Variants in NRXN3 observed in about 807,000 individuals in gnomAD.
NRXN3 encodes the protein neurexin III.
NRXN3 carries 32 observed loss-of-function variants against 137.6 expected under a neutral mutation model. The ratio of observed to expected loss-of-function variants is 0.23; its 90% CI spans 0.18 to 0.31. NRXN3 has a LOEUF of 0.31. Ranked by LOEUF, NRXN3 falls within the 10% of genes least tolerant of loss-of-function variation. NRXN3 has a pLI of 1.00. For synonymous variants in NRXN3, 798 were observed against 784.5 expected (o/e 1.02, Z -0.29); for missense variants, 1,574 against 2,062.5 (o/e 0.76, Z 4.59).
chr14:78,391,724 C>A (rs2090801980), intron 4 of NRXN3, among the ~76,000 whole-genome samples: 1 of 152,056 alleles, frequency 6.6e-6, no homozygotes, highest in Non-Finnish European at 1.5e-5. Context: ...AGAAAGAAAA[C>A]AGAAAAGCAA....
intron 15 of NRXN3, among the ~76,000 whole-genome samples, chr14:79,273,633 CAAAAT>C (rs2079773052): frequency 6.6e-6 from 1 of 151,984 alleles, no homozygotes; most frequent in Non-Finnish European, 1.5e-5. Flanking sequence ...GACTCCGTCT[CAAAAT>C]AAATAAATAC....
chr14:78,889,893 G>A (rs930792958), intron 10 of NRXN3, among the ~76,000 whole-genome samples: 2 of 151,992 alleles, frequency 1.3e-5, no homozygotes, highest in African/African-American at 4.8e-5. Context: ...GATTGTACAG[G>A]TGGGCCCTAA....
intron 15 of NRXN3, among the ~76,000 whole-genome samples, chr14:79,093,280 T>C (rs2049566063): frequency 6.6e-6 from 1 of 152,120 alleles, no homozygotes; most frequent in Non-Finnish European, 1.5e-5. Flanking sequence ...GCTTAGAATC[T>C]AGCCAGGTGT....
intron 15 of NRXN3, among the ~76,000 whole-genome samples, chr14:79,109,834 A>G (rs1223926946): frequency 6.6e-6 from 1 of 152,180 alleles, no homozygotes; most frequent in East Asian, 1.9e-4. Flanking sequence ...GCATTGGCCT[A>G]CCTTCCCAGT....
At chr14:79,288,690 C>T (rs1317778792) in intron 15 of NRXN3, among the ~76,000 whole-genome samples, 1 of 152,184 alleles carries the variant, frequency 6.6e-6, no homozygotes, top group East Asian at 1.9e-4. Context: ...ACTACACAAA[C>T]ACATCAAGCT....
chr14:78,326,943 A>G (rs2080179593), intron 4 of NRXN3, among the ~76,000 whole-genome samples: 1 of 149,998 alleles, frequency 6.7e-6, no homozygotes, highest in African/African-American at 2.5e-5. Context: ...AAAAAAAAAA[A>G]TCTCTCTGTT....
chr14:79,090,867 A>C (rs1046027683), intron 15 of NRXN3, among the ~76,000 whole-genome samples: 1 of 152,156 alleles, frequency 6.6e-6, no homozygotes, highest in African/African-American at 2.4e-5. Flanking sequence ...AAAATTTCCC[A>C]GCATTTACAG....
intron 20 of NRXN3, among the ~76,000 whole-genome samples, chr14:79,817,209 T>C (rs1204098105): frequency 2.0e-5 from 3 of 152,058 alleles, no homozygotes; most frequent in Non-Finnish European, 2.9e-5. Flanking sequence ...TGTGCCACCA[T>C]ACCCAGCTAA....
intron 8 of NRXN3, among the ~76,000 whole-genome samples, chr14:78,789,779 CTT>C (rs999188004): frequency 9.2e-5 from 14 of 152,288 alleles, no homozygotes; most frequent in African/African-American, 3.4e-4. Flanking sequence ...CCTTCCCACT[CTT>C]CTCTTTGCTC....
chr14:78,280,186 A>T (rs1339602563), intron 3 of NRXN3, among the ~76,000 whole-genome samples: 3 of 152,224 alleles, frequency 2.0e-5, no homozygotes, highest in African/African-American at 7.2e-5. Context: ...CAGTGCCCTC[A>T]TGGACCTTTT....
intron 16 of NRXN3, among the ~76,000 whole-genome samples, chr14:79,589,483 T>G (rs968428027): frequency 8.7e-5 from 13 of 150,024 alleles, no homozygotes; most frequent in Non-Finnish European, 1.6e-4. Flanking sequence ...ATATTGTTTC[T>G]TTTAGAAATA....
chr14:79,543,846 CAA>C (rs1657203660), intron 16 of NRXN3, among the ~76,000 whole-genome samples: 1 of 152,114 alleles, frequency 6.6e-6, no homozygotes, highest in Admixed American at 6.6e-5. Flanking sequence ...GTCAGCTTTT[CAA>C]GAGAAGCCAA....
chr14:79,494,668 T>A (rs2096749700), intron 16 of NRXN3, among the ~76,000 whole-genome samples: 1 of 152,222 alleles, frequency 6.6e-6, no homozygotes, highest in Admixed American at 6.5e-5. Flanking sequence ...TTTTTTAAAC[T>A]TTTTATCGTG....
rs972982022 is a variant in NRXN3 at position 79,519,896 on chromosome 14, T to A, written c.3444+52494T>A. ...TCAATGCATAAGTCTTTAAGTGTAC[T>A]GTTTGATATACCTTATAAATTATGC... On this transcript the variant is annotated intron_variant, in intron 16 of 20. Transcript: ENST00000335750. 5.9e-5 allele frequency among the ~76,000 whole-genome samples: 9 copies of A among 151,958 alleles called. No individual in the cohort carries two copies. The East Asian group carries it at 1.7e-3, about 29-fold the overall frequency.
intron 16 of NRXN3, among the ~76,000 whole-genome samples, chr14:79,570,937 AT>A (rs2097594337): frequency 6.6e-6 from 1 of 152,034 alleles, no homozygotes; most frequent in African/African-American, 2.4e-5. Flanking sequence ...AAGAACACTA[AT>A]CCTATTGGAT....
At chr14:79,199,470 G>A (rs2065629206) in intron 15 of NRXN3, among the ~76,000 whole-genome samples, 1 of 152,160 alleles carries the variant, frequency 6.6e-6, no homozygotes, top group Admixed American at 6.5e-5. Context: ...AAACTACAAT[G>A]TTCACTAACG....
chr14:78,382,785 TA>T (rs937804634), intron 4 of NRXN3, among the ~76,000 whole-genome samples: 3 of 152,150 alleles, frequency 2.0e-5, no homozygotes, highest in Non-Finnish European at 4.4e-5. Flanking sequence ...CTTAGGATTC[TA>T]AAGTAACAGT....
chr14:78,484,080 TTTCTG>T (rs1479064746), intron 4 of NRXN3, among the ~76,000 whole-genome samples: 1 of 151,724 alleles, frequency 6.6e-6, no homozygotes, highest in Non-Finnish European at 1.5e-5. Context: ...TAAAGATACA[TTTCTG>T]TTCTGGATTC....
At chr14:78,420,979 A>G (rs1345228472) in intron 4 of NRXN3, among the ~76,000 whole-genome samples, 6 of 152,238 alleles carry the variant, frequency 3.9e-5, no homozygotes, top group Non-Finnish European at 1.5e-5. Context: ...ACAGCACAGC[A>G]TGGGGACCCA....
Sources: allele counts gnomAD v4.1 joint callset (sites outside exome capture counted in the v4.1 genomes callset), GRCh38; gene constraint gnomAD v4.1.1; transcripts MANE v1.5; gene names NCBI Gene and HGNC (gene_info 2026-07-23, HGNC 2026-07-21).